Variants in ADAM22 observed in about 807,000 individuals in gnomAD.
The protein encoded by ADAM22 is disintegrin and metalloproteinase domain-containing protein 22.
A neutral mutation model predicts 144.6 loss-of-function variants in ADAM22; 65 were observed. The ratio of observed to expected loss-of-function variants is 0.45; its 90% CI spans 0.37 to 0.55. The LOEUF is 0.55. Among genes scored for constraint, ADAM22 ranks in the 20% least tolerant of loss-of-function variants. The pLI, the probability that ADAM22 is intolerant of heterozygous loss-of-function variation, is 0.00. For synonymous variants in ADAM22, 391 were observed against 412.6 expected (o/e 0.95, Z 0.63); for missense variants, 974 against 1,184.9 (o/e 0.82, Z 2.61).
intron 17 of ADAM22, among the ~76,000 whole-genome samples, chr7:88,146,948 G>A (rs1166423104): frequency 6.6e-6 from 1 of 152,128 alleles, no homozygotes; most frequent in Non-Finnish European, 1.5e-5. Context: ...TACCACCCCT[G>A]TTTATTCTGT....
At chr7:88,059,511 G>A (rs140897385) in intron 3 of ADAM22, among the ~76,000 whole-genome samples, 95 of 152,224 alleles carry the variant, frequency 6.2e-4, no homozygotes, top group African/African-American at 2.0e-3. Flanking sequence ...AGCAAGTCAC[G>A]TACATTTTAT....
intron 4 of ADAM22, among the ~76,000 whole-genome samples, chr7:88,076,923 G>C (rs1169354446): frequency 6.6e-6 from 1 of 152,064 alleles, no homozygotes; most frequent in East Asian, 1.9e-4. Context: ...GCTCATTTTA[G>C]AAAACTTGTA....
intron 12 of ADAM22, 57 bp downstream of exon 12, chr7:88,133,008 C>A: frequency 6.8e-7 from 1 of 1,480,500 alleles, no homozygotes; most frequent in Non-Finnish European, 9.4e-7. Context: ...ATGTTTTCCT[C>A]ATACTTAAGA....
chr7:88,108,350 T>C, intron 5 of ADAM22, 92 bp downstream of exon 5: 1 of 972,248 alleles, frequency 1.0e-6, no homozygotes, highest in Non-Finnish European at 1.5e-6. Context: ...CCCTATTTTG[T>C]GTCAAGAAAT....
chr7:88,058,858 C>T (rs10487006), intron 3 of ADAM22, among the ~76,000 whole-genome samples: 4,983 of 152,188 alleles, frequency 0.033, 297 homozygotes, highest in African/African-American at 0.11. Flanking sequence ...GCCTCTAGTG[C>T]TTGAATTTTC....
chr7:88,172,690 T>G (rs1258469197), intron 26 of ADAM22, among the ~76,000 whole-genome samples: 2 of 151,950 alleles, frequency 1.3e-5, no homozygotes, highest in Non-Finnish European at 2.9e-5. Flanking sequence ...CCTGGTCAGT[T>G]TGTGTAGACA....
rs138594229 is a variant in ADAM22, at chr7:88,033,029, G to A, written c.324-42597G>A. ...CATTCTCAGGTAGTTCTTTATAGCA[G>A]TGTGAGAATGGACTAATACATTTGG... On this transcript the variant is annotated intron_variant, in intron 3 of 31. Transcript: ENST00000413139. Among the ~76,000 whole-genome samples the A allele has an allele frequency of 3.3e-5, 5 of 152,280 alleles. No individual in the cohort carries two copies. In the East Asian group the frequency reaches 5.8e-4, roughly 18 times the overall value.
intron 14 of ADAM22, among the ~76,000 whole-genome samples, chr7:88,136,901 AATC>A (rs1190600280): frequency 2.0e-5 from 3 of 152,106 alleles, no homozygotes; most frequent in Admixed American, 2.0e-4. Flanking sequence ...ATAAGCTTGG[AATC>A]ATCATCATTA....
chr7:88,052,261 A>G lies in ADAM22; in HGVS notation c.324-23365A>G, dbSNP rs1317168446. On this transcript the variant is annotated intron_variant, in intron 3 of 31. Transcript: ENST00000413139. The stretch of plus-strand genomic sequence containing the variant: ...GCCTGTAATCCCAGCACTTTGGGAG[A>G]CCGAGTCGGGCAGATCATGAGGTCA... 4.6e-4 allele frequency among the ~76,000 whole-genome samples: 69 copies of G among 151,474 alleles called. 1 individual carries two copies. Among genetic ancestry groups the G allele is most frequent in the Non-Finnish European group, 7.4e-5 (5 of 67,870 alleles).
chr7:88,128,497 TA>T (rs1027445163), intron 8 of ADAM22, 104 bp from the exon 9 acceptor site: 10 of 918,996 alleles, frequency 1.1e-5, no homozygotes, highest in African/African-American at 1.0e-4. Context: ...GCTGAAGGAA[TA>T]AAAAGGGAAA....
intron 3 of ADAM22, among the ~76,000 whole-genome samples, chr7:88,048,767 T>C (rs1355681982): frequency 1.3e-5 from 2 of 152,156 alleles, no homozygotes; most frequent in Non-Finnish European, 2.9e-5. Context: ...TTATAGATAT[T>C]ATAATTCATG....
Position 88,145,471 on chromosome 7 carries a change from T to C in ADAM22, c.1449T>C (p.Ser483=). Reference sequence around the variant, plus strand: ...AGAAATGCACCTTGACTCAAGACTCTCAATGCAGTGACGGTCTTTGCTGTA... The same window carrying C: ...AGAAATGCACCTTGACTCAAGACTCCCAATGCAGTGACGGTCTTTGCTGTA... ...CCKKCTLTQD[S]QCSDGLCCKK... Residue 483 remains serine, a synonymous_variant, in exon 17 of 32, where the codon TCT becomes TCC. Coordinates refer to ENST00000413139, the MANE Select transcript of ADAM22 (RefSeq NM_001324418.2). 1 of 1,613,800 alleles carries C rather than the reference T, an allele frequency of 6.2e-7. No homozygotes were observed. The highest frequency in any genetic ancestry group is 2.2e-5 in the East Asian group (1 of 44,876).
intron 2 of ADAM22, among the ~76,000 whole-genome samples, chr7:87,943,337 A>C (rs912484659): frequency 1.3e-5 from 2 of 151,760 alleles, no homozygotes; most frequent in African/African-American, 4.8e-5. Flanking sequence ...AGAAGTGGGA[A>C]TAGGATTCTC....
At position 88,200,874 on chromosome 7, in the gene ADAM22, CATTG is replaced by C; in HGVS notation, c.*4386_*4389del. 1 of 152,352 alleles carries C rather than the reference CATTG, an allele frequency of 6.6e-6. No homozygotes were observed. Among genetic ancestry groups the C allele is most frequent in the South Asian group, 2.1e-4 (1 of 4,824 alleles). 9.4% of individuals were successfully genotyped at this position (152,352 alleles called of 1,614,324 possible). ...CTAAGGACTTTGATAAACAGTTTCC[CATTG>C]ATAGTATAATATAATGAGGGGCCCA... On this transcript the variant is annotated 3_prime_UTR_variant, in exon 32 of 32. Coordinates refer to ENST00000413139, the MANE Select transcript of ADAM22 (RefSeq NM_001324418.2).
chr7:88,025,506 T>A (rs974182308), intron 3 of ADAM22, among the ~76,000 whole-genome samples: 3 of 152,202 alleles, frequency 2.0e-5, no homozygotes, highest in Non-Finnish European at 4.4e-5. Context: ...TTTAAGGTCT[T>A]AGATTTGAGT....
In ADAM22 at chr7:88,079,946, A is replaced by G. The variant is rs143680328; in HGVS notation, c.390+4254A>G. Among the ~76,000 whole-genome samples, 1,293 of 152,330 alleles carry G rather than the reference A, an allele frequency of 8.5e-3. 12 individuals carry two copies. Among genetic ancestry groups the G allele is most frequent in the Middle Eastern group, 0.027 (8 of 294 alleles). ...AACATCAGACCGATCAACGACACAG[A>G]AAGTTAAGAAGGATATCCAGGAATT... is the stretch of plus-strand genomic sequence containing the variant. On this transcript the variant is annotated intron_variant, in intron 4 of 31. Coordinates refer to ENST00000413139, the MANE Select transcript of ADAM22 (RefSeq NM_001324418.2).
chr7:88,109,620 G>A (rs1056729899), intron 5 of ADAM22, among the ~76,000 whole-genome samples: 9 of 151,766 alleles, frequency 5.9e-5, no homozygotes, highest in Non-Finnish European at 1.2e-4. Flanking sequence ...ATATTAAGGC[G>A]ATTGAAACAC....
chr7:88,106,345 C>G (rs909019560), intron 4 of ADAM22, among the ~76,000 whole-genome samples: 2 of 152,148 alleles, frequency 1.3e-5, no homozygotes, highest in African/African-American at 4.8e-5. Context: ...ACCCCCTCCC[C>G]AAAGCTGAGA....
intron 17 of ADAM22, 55 bp from the exon 18 acceptor site, chr7:88,148,922 T>C: frequency 1.5e-6 from 2 of 1,343,028 alleles, no homozygotes; most frequent in Non-Finnish European, 1.0e-6. Flanking sequence ...TAGATGATAT[T>C]GTAAGATTTT....
Sources: gnomAD v4.1 joint callset for allele counts (sites outside exome capture counted in the v4.1 genomes callset) on GRCh38, gnomAD v4.1.1 for gene constraint, MANE v1.5 for transcripts, NCBI Gene and HGNC (gene_info 2026-07-23, HGNC 2026-07-21) for gene names.